LRRC28: variants seen among roughly 807,000 people sequenced by gnomAD.
The protein encoded by LRRC28 is leucine-rich repeat-containing protein 28.
Under a neutral mutation model 45.7 loss-of-function variants are expected in LRRC28, and 39 were observed. The observed-to-expected ratio is 0.85, with a 90% confidence interval of 0.66 to 1.12. LRRC28 has a LOEUF of 1.12. Among genes scored for constraint, LRRC28 ranks in the 50% most tolerant of loss-of-function variants. The probability of loss-of-function intolerance (pLI) is 0.00; values close to 1 mark genes in which losing one functional copy is unlikely to be tolerated. For missense variants in LRRC28, 435 were observed against 438.5 expected, an observed-to-expected ratio of 0.99 and a Z score of 0.07; for synonymous variants, 206 against 178.8, an observed-to-expected ratio of 1.15 and a Z score of -1.22.
intron 7 of LRRC28, among the ~76,000 whole-genome samples, chr15:99,354,843 T>C (rs1956999883): frequency 6.6e-6 from 1 of 152,214 alleles, no homozygotes; most frequent in Non-Finnish European, 1.5e-5. Flanking sequence ...GCTTGGGATA[T>C]AAGAACAGTT....
chr15:99,261,711 G>A (rs1227082986), intron 2 of LRRC28, among the ~76,000 whole-genome samples: 1 of 151,706 alleles, frequency 6.6e-6, no homozygotes, highest in Admixed American at 6.6e-5. Flanking sequence ...AGGCTGGAGT[G>A]CAATGGCTCT....
rs998046869 is a variant in LRRC28, at chr15:99,387,082, A to T, written c.*980A>T. 1 of 151,712 alleles carries T rather than the reference A, an allele frequency of 6.6e-6. No individual in the cohort carries two copies. Among genetic ancestry groups the T allele is most frequent in the East Asian group, 1.9e-4 (1 of 5,156 alleles). 9.4% of individuals were successfully genotyped at this position (151,712 alleles called of 1,614,324 possible). A position where few individuals can be genotyped will look rare whatever the true frequency, so the allele number is the denominator to read the frequency against. ...CTGGTTTTTTTTTGTTGTTGTTGAG[A>T]CGGAGTCTCGCTCTGTCGCCCAGGC... On this transcript the variant is annotated 3_prime_UTR_variant, in exon 10 of 10. Coordinates refer to ENST00000301981, the MANE Select transcript of LRRC28 (RefSeq NM_144598.5).
At chr15:99,260,493 G>A (rs10152794) in intron 2 of LRRC28, among the ~76,000 whole-genome samples, 62,496 of 151,996 alleles carry the variant, frequency 0.41, 13,053 homozygotes, top group Middle Eastern at 0.6. Context: ...TCTCTTAGCT[G>A]CGATATTTGA....
intron 7 of LRRC28, among the ~76,000 whole-genome samples, chr15:99,358,048 A>G (rs1379118109): frequency 6.6e-6 from 1 of 152,220 alleles, no homozygotes; most frequent in East Asian, 1.9e-4. Flanking sequence ...TTGAATACCT[A>G]GAAAACTCAA....
At chr15:99,254,105 T>A (rs1049187113) in intron 1 of LRRC28, among the ~76,000 whole-genome samples, 2 of 152,248 alleles carry the variant, frequency 1.3e-5, no homozygotes, top group African/African-American at 4.8e-5. Context: ...TAATTACCTA[T>A]GAAGTTTCAC....
intron 5 of LRRC28, among the ~76,000 whole-genome samples, chr15:99,314,457 A>G (rs929150111): frequency 3.3e-5 from 5 of 151,854 alleles, no homozygotes; most frequent in Admixed American, 6.6e-5. Flanking sequence ...AAATAAATAA[A>G]TAAATAAATA....
intron 5 of LRRC28, chr15:99,317,382 T>A (rs1174714645): frequency 6.6e-6 from 1 of 152,204 alleles, no homozygotes; most frequent in Non-Finnish European, 1.5e-5. Flanking sequence ...TAAGTGGGTT[T>A]CCTGACTTGA....
At chr15:99,363,030 A>G (rs1655933713) in intron 8 of LRRC28, 76 bp from the exon 9 acceptor site, 2 of 1,451,526 alleles carry the variant, frequency 1.4e-6, no homozygotes, top group African/African-American at 1.4e-5. Context: ...TTATTTGGTA[A>G]CAAATATTTT....
intron 5 of LRRC28, among the ~76,000 whole-genome samples, chr15:99,332,544 G>T (rs1460816611): frequency 3.3e-5 from 5 of 152,084 alleles, no homozygotes; most frequent in African/African-American, 1.2e-4. Context: ...TCTGTAAATG[G>T]CCAGATAGTA....
At chr15:99,282,176 G>GTTTTTTTTTTTTTTTTTTTTT (rs1476287973) in intron 3 of LRRC28, among the ~76,000 whole-genome samples, 1 of 33,888 alleles carries the variant, frequency 3.0e-5, no homozygotes, top group African/African-American at 2.1e-4. Flanking sequence ...AATTTTTGGA[G>GTTTTTTTTTTTTTTTTTTTTT]GTTTTTTTTT....
intron 5 of LRRC28, among the ~76,000 whole-genome samples, chr15:99,298,879 T>G (rs2082329957): frequency 6.6e-6 from 1 of 152,074 alleles, no homozygotes. Flanking sequence ...CAGCTAATTT[T>G]TGTGTTTTTA....
chr15:99,290,790 T>C (rs2082101660), intron 5 of LRRC28, among the ~76,000 whole-genome samples: 1 of 151,920 alleles, frequency 6.6e-6, no homozygotes, highest in Admixed American at 6.6e-5. Flanking sequence ...GCTTTGTCTC[T>C]ACTAAAATCC....
Position 99,390,474 on chromosome 15 carries a change from A to C in LRRC28, c.*4372A>C, listed in dbSNP as rs529432013. 15 of 152,310 alleles carry C rather than the reference A, an allele frequency of 9.8e-5. No individual in the cohort carries two copies. In the East Asian group the frequency reaches 2.7e-3, roughly 27 times the overall value. The allele number at this position is 152,310 out of a possible 1,614,324, so 9.4% of individuals were successfully genotyped here. A position where few individuals can be genotyped will look rare whatever the true frequency, so the allele number is the denominator to read the frequency against. ...TTTGCTACCTGTGTTAAAGAATATC[A>C]GGTTTTGTTTCTTATTGTGATTTTT... On this transcript the variant is annotated 3_prime_UTR_variant, in exon 10 of 10. Transcript: ENST00000301981.
chr15:99,376,841 A>G (rs955925412), intron 9 of LRRC28, among the ~76,000 whole-genome samples: 8 of 152,148 alleles, frequency 5.3e-5, no homozygotes. Flanking sequence ...GATGGTTTCC[A>G]GCTTCATCCA....
At chr15:99,257,909 G>A in intron 2 of LRRC28, 2 of 769,602 alleles carry the variant, frequency 2.6e-6, no homozygotes, top group Non-Finnish European at 4.8e-6. Context: ...TCAATTCATT[G>A]TATGAAAATA....
In LRRC28 at chr15:99,383,043, G is replaced by A. The variant is rs540235691; in HGVS notation, c.1032-2987G>A. Among the ~76,000 whole-genome samples, 10 of 152,040 alleles carry A rather than the reference G, an allele frequency of 6.6e-5. No individual in the cohort carries two copies. In the South Asian group the frequency reaches 1.0e-3, roughly 16 times the overall value. On this transcript the variant is annotated intron_variant, in intron 9 of 9. Coordinates refer to ENST00000301981, the MANE Select transcript of LRRC28 (RefSeq NM_144598.5). ...TTTCTTAGTACATTCAGCGATATGC[G>A]CAACCCTCACCCTAATCCATTTCAG...
intron 5 of LRRC28, among the ~76,000 whole-genome samples, chr15:99,326,000 T>C (rs1399026047): frequency 1.3e-5 from 2 of 152,024 alleles, no homozygotes; most frequent in South Asian, 2.1e-4. Flanking sequence ...AGGCAAGAGA[T>C]GGTAATAGGC....
intron 2 of LRRC28, chr15:99,258,676 A>G: frequency 1.4e-6 from 1 of 730,910 alleles, no homozygotes; most frequent in Non-Finnish European, 2.5e-6. Flanking sequence ...TAGAAGATGA[A>G]TACAAAGCTT....
At chr15:99,294,968 C>T (rs1334148020) in intron 5 of LRRC28, among the ~76,000 whole-genome samples, 1 of 152,206 alleles carries the variant, frequency 6.6e-6, no homozygotes, top group East Asian at 1.9e-4. Context: ...AAAATATGCC[C>T]CATGGCAGAA....
Sources: allele counts gnomAD v4.1 joint callset (sites outside exome capture counted in the v4.1 genomes callset), GRCh38; gene constraint gnomAD v4.1.1; transcripts MANE v1.5; gene names NCBI Gene and HGNC (gene_info 2026-07-23, HGNC 2026-07-21).